Variants in DAPK1 observed in about 807,000 individuals in gnomAD.
DAPK1 encodes death associated protein kinase 1, also known as death-associated protein kinase 1.
In DAPK1, 56 loss-of-function variants were observed where a neutral mutation model predicts 144.9. That is an observed-to-expected ratio of 0.39 (90% CI 0.31 to 0.48). The LOEUF is 0.48. DAPK1 is among the 20% of genes least tolerant of loss of function. The probability of loss-of-function intolerance (pLI) is 0.95; values close to 1 mark genes in which losing one functional copy is unlikely to be tolerated. For missense variants in DAPK1, 1,454 were observed against 1,875.4 expected, an observed-to-expected ratio of 0.78 and a Z score of 4.15; for synonymous variants, 690 against 749.0, an observed-to-expected ratio of 0.92 and a Z score of 1.29.
rs561815400 is a variant in DAPK1, at chr9:87,698,114, A to AT, written c.2612-534dup. Among the ~76,000 whole-genome samples the AT allele has an allele frequency of 1.6e-4, 24 of 152,224 alleles. No individual in the cohort carries two copies. The South Asian group carries it at 4.6e-3, about 29-fold the overall frequency. On this transcript the variant is annotated intron_variant, in intron 22 of 25. Coordinates refer to ENST00000408954, the MANE Select transcript of DAPK1 (RefSeq NM_004938.4). The stretch of plus-strand genomic sequence containing the variant: ...GGTGAAATGCAATACTCAGCAGTCA[A>AT]TTTTTTTTCTTTCCGGAAAAGCATA...
chr9:87,540,704 A>C (rs1203746928), intron 2 of DAPK1, among the ~76,000 whole-genome samples: 1 of 152,216 alleles, frequency 6.6e-6, no homozygotes, highest in African/African-American at 2.4e-5. Flanking sequence ...ATAAATAATT[A>C]TAACTGATAA....
At chr9:87,530,031 G>C (rs1389293205) in intron 2 of DAPK1, among the ~76,000 whole-genome samples, 1 of 152,184 alleles carries the variant, frequency 6.6e-6, no homozygotes, top group Admixed American at 6.5e-5. Flanking sequence ...TATCTGTGCA[G>C]ACGAAATGAG....
chr9:87,633,085 A>G lies in DAPK1; in HGVS notation c.285-4858A>G, dbSNP rs141923158. ...GATGAAGGAAGATGAATATATATGT[A>G]GGAATGAAGGAGGATGAGTACATAT... On this transcript the variant is annotated intron_variant, in intron 3 of 25. Transcript: ENST00000408954. 2.9e-5 allele frequency: 28 copies of G among 980,826 alleles called. No homozygotes were observed. The East Asian group carries it at 1.8e-3, about 64-fold the overall frequency. 60.8% of individuals were successfully genotyped at this position (980,826 alleles called of 1,614,324 possible).
intron 3 of DAPK1, among the ~76,000 whole-genome samples, chr9:87,627,846 C>T (rs1829541805): frequency 6.6e-6 from 1 of 152,168 alleles, no homozygotes; most frequent in Non-Finnish European, 1.5e-5. Context: ...GGAGTTCAGG[C>T]CAAGGATTGC....
At chr9:87,504,814 C>T (rs1278358049) in intron 2 of DAPK1, among the ~76,000 whole-genome samples, 1 of 152,138 alleles carries the variant, frequency 6.6e-6, no homozygotes, top group Admixed American at 6.5e-5. Flanking sequence ...CTCTAGATTA[C>T]TTACAATACT....
chr9:87,692,669 T>C (rs1465263236), intron 21 of DAPK1, among the ~76,000 whole-genome samples: 1 of 152,174 alleles, frequency 6.6e-6, no homozygotes, highest in Non-Finnish European at 1.5e-5. Flanking sequence ...TGTGTTTTCA[T>C]GATGAAAGAA....
rs541047086 is a variant in DAPK1, at chr9:87,683,190, C to A, written c.2224+1564C>A. On this transcript the variant is annotated intron_variant, in intron 20 of 25. Transcript: ENST00000408954. Reference sequence around the variant, plus strand: ...CTCCGCCTCCTGGGTTCAAGTGATTCTCCTGCCTCAGCCTCCCAGGTGGCT... The same window carrying A: ...CTCCGCCTCCTGGGTTCAAGTGATTATCCTGCCTCAGCCTCCCAGGTGGCT... Among the ~76,000 whole-genome samples the A allele has an allele frequency of 4.4e-3, 660 of 151,314 alleles. 3 individuals carry two copies. The highest frequency in any genetic ancestry group is 0.015 in the African/African-American group (609 of 41,224).
chr9:87,525,185 T>G, intron 2 of DAPK1: 1 of 744,806 alleles, frequency 1.3e-6, no homozygotes. Flanking sequence ...CCTGTGTGTT[T>G]GGATGAGTAC....
chr9:87,694,810 G>A (rs1825198698), intron 21 of DAPK1, among the ~76,000 whole-genome samples: 1 of 152,164 alleles, frequency 6.6e-6, no homozygotes, highest in Admixed American at 6.5e-5. Flanking sequence ...CTACAGAGCA[G>A]GATGCAGTCT....
intron 2 of DAPK1, among the ~76,000 whole-genome samples, chr9:87,568,008 C>T (rs1376431470): frequency 6.6e-6 from 1 of 152,248 alleles, no homozygotes. Flanking sequence ...TCCAAGGTCT[C>T]ATGGCTAAAT....
At chr9:87,641,853 A>G in intron 9 of DAPK1, 116 bp from the exon 10 acceptor site, 1 of 767,530 alleles carries the variant, frequency 1.3e-6, no homozygotes, top group Non-Finnish European at 2.1e-6. Flanking sequence ...TCTTATGCTA[A>G]TTTAATAAGG....
In DAPK1 at chr9:87,556,018, A is replaced by T. The variant is rs113099963; in HGVS notation, c.63-48936A>T. Among the ~76,000 whole-genome samples, 576 of 152,340 alleles carry T rather than the reference A, an allele frequency of 3.8e-3. 3 individuals carry two copies. The highest frequency in any genetic ancestry group is 0.012 in the African/African-American group (505 of 41,566). On this transcript the variant is annotated intron_variant, in intron 2 of 25. Coordinates refer to ENST00000408954, the MANE Select transcript of DAPK1 (RefSeq NM_004938.4). The stretch of plus-strand genomic sequence containing the variant: ...AAAAAGACGAATGAGAAAATGAGGT[A>T]TTATGAAGGAAGAAGCAAGAGTAAA...
chr9:87,556,977 G>A (rs886713363), intron 2 of DAPK1, among the ~76,000 whole-genome samples: 10 of 152,178 alleles, frequency 6.6e-5, no homozygotes, highest in African/African-American at 1.9e-4. Context: ...GAACCTTGGC[G>A]GAGGTGGGCA....
At chr9:87,660,988 G>A (rs1160327568) in intron 18 of DAPK1, among the ~76,000 whole-genome samples, 1 of 152,198 alleles carries the variant, frequency 6.6e-6, no homozygotes, top group Non-Finnish European at 1.5e-5. Flanking sequence ...GGGACTACAG[G>A]TGCAAGCCAC....
rs76694106 is a variant in DAPK1, at chr9:87,637,920, A to T, written c.285-23A>T. The T allele has an allele frequency of 7.4e-6, 12 of 1,611,004 alleles. No individual in the cohort carries two copies. The East Asian group carries it at 2.5e-4, about 33-fold the overall frequency. On this transcript the variant is annotated intron_variant, in intron 3 of 25. Transcript: ENST00000408954. ...AATATGAAACAGAGTTGTTACCAATAACCTCTGCTTCCGGGTTCTCAGCGT... is the reference window on the plus strand; with the variant it reads ...AATATGAAACAGAGTTGTTACCAATTACCTCTGCTTCCGGGTTCTCAGCGT...
Position 87,650,279 on chromosome 9 carries a change from ATATTG to A in DAPK1, c.1626+166_1626+170del, listed in dbSNP as rs1270244847. ...TTCCAAAGATTCTGTGAACTTTTCT[ATATTG>A]TATTTAATAGTTAATATTAATTTAT... is the stretch of plus-strand genomic sequence containing the variant. On this transcript the variant is annotated intron_variant, in intron 16 of 25. Transcript: ENST00000408954. The A allele has an allele frequency of 4.6e-6, 3 of 655,652 alleles. No individual in the cohort carries two copies. In the African/African-American group the frequency reaches 5.5e-5, roughly 12 times the overall value. 40.6% of individuals were successfully genotyped at this position (655,652 alleles called of 1,614,324 possible). A position where few individuals can be genotyped will look rare whatever the true frequency, so the allele number is the denominator to read the frequency against.
Position 87,651,740 on chromosome 9 carries a change from A to G in DAPK1, c.1824+16A>G, listed in dbSNP as rs1181529295. ...CTCCAACAAGGTATGCACAGAGAAC[A>G]GGATCCCTACAGCTTCCAACTGTGT... On this transcript the variant is annotated intron_variant, in intron 17 of 25. Transcript: ENST00000408954. The G allele has an allele frequency of 1.2e-6, 2 of 1,611,360 alleles. No individual in the cohort carries two copies. Among genetic ancestry groups the G allele is most frequent in the Admixed American group, 3.3e-5 (2 of 59,836 alleles).
chr9:87,666,480 T>A (rs191511957), intron 18 of DAPK1, among the ~76,000 whole-genome samples: 2 of 149,112 alleles, frequency 1.3e-5, no homozygotes, highest in African/African-American at 5.0e-5. Context: ...TGTTTTTGTT[T>A]TTTTTTTTTT....
chr9:87,563,671 A>T (rs1827012741), intron 2 of DAPK1, among the ~76,000 whole-genome samples: 2 of 152,232 alleles, frequency 1.3e-5, no homozygotes, highest in African/African-American at 4.8e-5. Context: ...GCCATCAGTC[A>T]GCACACACCA....
Sources: gnomAD v4.1 joint callset for allele counts (sites outside exome capture counted in the v4.1 genomes callset) on GRCh38, gnomAD v4.1.1 for gene constraint, MANE v1.5 for transcripts, NCBI Gene and HGNC (gene_info 2026-07-23, HGNC 2026-07-21) for gene names.